The following C10orf67 variants were observed in gnomAD, a reference collection of about 807,000 sequenced individuals.
C10orf67 encodes chromosome 10 open reading frame 67, also known as uncharacterized protein C10orf67, mitochondrial.
In C10orf67, 60 loss-of-function variants were observed where a neutral mutation model predicts 35.6. The ratio of observed to expected loss-of-function variants is 1.68; its 90% CI spans 1.37 to 2.09. C10orf67 has a LOEUF of 2.09. C10orf67 is among the 30% of genes most tolerant of loss of function. The pLI is 0.00. For missense variants in C10orf67, 474 were observed against 330.2 expected, an observed-to-expected ratio of 1.44 and a Z score of -3.38; for synonymous variants, 167 against 115.8, an observed-to-expected ratio of 1.44 and a Z score of -2.84.
intron 13 of C10orf67, among the ~76,000 whole-genome samples, chr10:23,228,349 C>T (rs1281873869): frequency 4.6e-5 from 7 of 152,154 alleles, no homozygotes; most frequent in African/African-American, 1.4e-4. Context: ...AAAGGATTCC[C>T]TATTTAATAA....
At chr10:23,250,314 A>C in intron 12 of C10orf67, 141 bp downstream of exon 12, 1 of 391,684 alleles carries the variant, frequency 2.6e-6, no homozygotes, top group Non-Finnish European at 4.5e-6. Context: ...CTTCTATTTT[A>C]GACCAATTAT....
rs1406057583 is a variant in C10orf67, at chr10:23,203,293, C to T, written c.*880G>A. ...TGTACTTGCGTTGAAAAGAACACGT[C>T]TCTCTCCAATTAAATCTTGTTCCTT... On this transcript the variant is annotated 3_prime_UTR_variant, in exon 16 of 16. Coordinates refer to ENST00000636213, the MANE Select transcript of C10orf67 (RefSeq NM_001371909.1). 1 of 152,250 alleles carries T rather than the reference C, an allele frequency of 6.6e-6. No homozygotes were observed. Among genetic ancestry groups the T allele is most frequent in the East Asian group, 1.9e-4 (1 of 5,204 alleles). The allele number at this position is 152,250 out of a possible 1,614,324, so 9.4% of individuals were successfully genotyped here.
chr10:23,292,433 T>C (rs1843749903), intron 5 of C10orf67, among the ~76,000 whole-genome samples: 1 of 152,182 alleles, frequency 6.6e-6, no homozygotes, highest in Non-Finnish European at 1.5e-5. Flanking sequence ...TTAAAAATAC[T>C]TTTGATCTTA....
At chr10:23,296,379 T>A (rs901180632) in intron 5 of C10orf67, among the ~76,000 whole-genome samples, 2 of 152,182 alleles carry the variant, frequency 1.3e-5, no homozygotes, top group Non-Finnish European at 2.9e-5. Flanking sequence ...TTTGCCTAAT[T>A]AGCATTTCAG....
chr10:23,264,112 C>T (rs1359385821), intron 10 of C10orf67, among the ~76,000 whole-genome samples: 1 of 152,130 alleles, frequency 6.6e-6, no homozygotes, highest in Non-Finnish European at 1.5e-5. Context: ...TTATAAAACC[C>T]TTTAAAGACA....
At position 23,320,737 on chromosome 10, in the gene C10orf67, T is replaced by C. The variant is rs1303688178; in HGVS notation, c.546+4A>G. 1.3e-6 allele frequency: 2 copies of C among 1,584,152 alleles called. No individual in the cohort carries two copies. The highest frequency in any genetic ancestry group is 8.6e-7 in the Non-Finnish European group (1 of 1,163,368). ...CAACTACGGCACCAGAAACAGAAAC[T>C]CACCTGGTACATTCCTTTGATAACA... is the stretch of plus-strand genomic sequence containing the variant. On this transcript the variant is annotated splice_donor_region_variant and intron_variant, in intron 4 of 15. Coordinates refer to ENST00000636213, the MANE Select transcript of C10orf67 (RefSeq NM_001371909.1).
intron 1 of C10orf67, among the ~76,000 whole-genome samples, chr10:23,338,688 C>G (rs150132756): frequency 6.6e-6 from 1 of 152,060 alleles, no homozygotes; most frequent in Admixed American, 6.6e-5. Flanking sequence ...AGAAGTGGCT[C>G]GCCTAATAGG....
intron 2 of C10orf67, among the ~76,000 whole-genome samples, chr10:23,328,685 T>TAAA (rs57874839): frequency 1.2e-3 from 161 of 138,134 alleles, no homozygotes; most frequent in African/African-American, 3.9e-3. Context: ...CTCAAGAGAT[T>TAAA]AAAAAAAAAA....
rs145573067 is a variant in C10orf67 at position 23,338,998 on chromosome 10, C to T, written c.206+5571G>A. Among the ~76,000 whole-genome samples the T allele has an allele frequency of 1.2e-4, 19 of 152,338 alleles. No individual in the cohort carries two copies. The East Asian group carries it at 3.1e-3, about 25-fold the overall frequency. On this transcript the variant is annotated intron_variant, in intron 1 of 15. Transcript: ENST00000636213. The stretch of plus-strand genomic sequence containing the variant: ...TTTGAAACAGTATATGGTGCTATCT[C>T]TCCTACAGTCATAGGTCCAAGAATG...
intron 13 of C10orf67, among the ~76,000 whole-genome samples, chr10:23,231,717 T>C (rs1223486181): frequency 6.6e-6 from 1 of 152,172 alleles, no homozygotes; most frequent in Non-Finnish European, 1.5e-5. Context: ...CTGAGAGCAA[T>C]AATACTCATA....
At chr10:23,221,180 A>G (rs1841570612) in intron 15 of C10orf67, among the ~76,000 whole-genome samples, 1 of 152,168 alleles carries the variant, frequency 6.6e-6, no homozygotes. Context: ...GAAACTTACA[A>G]TCATGGTGGA....
intron 13 of C10orf67, among the ~76,000 whole-genome samples, chr10:23,237,002 T>C (rs1469284551): frequency 6.6e-6 from 1 of 152,214 alleles, no homozygotes; most frequent in East Asian, 1.9e-4. Flanking sequence ...GTAGTAAGCA[T>C]AGTATCCGAC....
intron 4 of C10orf67, among the ~76,000 whole-genome samples, chr10:23,320,030 A>G (rs985702089): frequency 6.6e-5 from 10 of 152,184 alleles, no homozygotes; most frequent in African/African-American, 2.4e-4. Flanking sequence ...TTAATTACGT[A>G]CCAGTCACAG....
chr10:23,304,598 T>C (rs1402559077), intron 4 of C10orf67, among the ~76,000 whole-genome samples: 1 of 151,990 alleles, frequency 6.6e-6, no homozygotes, highest in Non-Finnish European at 1.5e-5. Flanking sequence ...AGGCACACCT[T>C]TCTATGTCTC....
intron 13 of C10orf67, among the ~76,000 whole-genome samples, chr10:23,233,709 T>C (rs544913710): frequency 5.9e-5 from 9 of 152,286 alleles, no homozygotes; most frequent in Admixed American, 5.9e-4. Flanking sequence ...TTGATGAAAT[T>C]AGGGCTGAGA....
chr10:23,343,425 G>C (rs1042017466), intron 1 of C10orf67, among the ~76,000 whole-genome samples: 11 of 152,162 alleles, frequency 7.2e-5, no homozygotes, highest in African/African-American at 2.2e-4. Flanking sequence ...CTGCCAGTGG[G>C]CTTCCCAGCC....
intron 13 of C10orf67, among the ~76,000 whole-genome samples, chr10:23,238,343 C>G (rs1842098039): frequency 6.6e-6 from 1 of 152,192 alleles, no homozygotes; most frequent in Non-Finnish European, 1.5e-5. Context: ...TGTATACACT[C>G]TGATGAGTAT....
Position 23,259,667 on chromosome 10 carries a change from C to T in C10orf67, c.1200+6595G>A, listed in dbSNP as rs568176036. Among the ~76,000 whole-genome samples, 16 of 152,106 alleles carry T rather than the reference C, an allele frequency of 1.1e-4. No homozygotes were observed. In the South Asian group the frequency reaches 3.3e-3, roughly 32 times the overall value. On this transcript the variant is annotated intron_variant, in intron 10 of 15. Transcript: ENST00000636213. ...GAGAACCTAGGAGAAAAGGTGAACA[C>T]TATGCATGATAAACAATAGACAGGG... is the stretch of plus-strand genomic sequence containing the variant.
chr10:23,332,056 C>A (rs1239843289), intron 2 of C10orf67, among the ~76,000 whole-genome samples: 2 of 152,170 alleles, frequency 1.3e-5, no homozygotes, highest in African/African-American at 4.8e-5. Flanking sequence ...TCCTCTGACT[C>A]AGAAATTCCA....
Sources: gnomAD v4.1 joint callset for allele counts (sites outside exome capture counted in the v4.1 genomes callset) on GRCh38, gnomAD v4.1.1 for gene constraint, MANE v1.5 for transcripts, NCBI Gene and HGNC (gene_info 2026-07-23, HGNC 2026-07-21) for gene names.